Variants in STAB2 observed in about 807,000 individuals in gnomAD.
The protein encoded by STAB2 is stabilin-2.
A neutral mutation model predicts 338.1 loss-of-function variants in STAB2; 288 were observed. The ratio of observed to expected loss-of-function variants is 0.85; its 90% CI spans 0.77 to 0.94. The LOEUF (loss-of-function observed/expected upper bound fraction) is 0.94. STAB2 is among the 40% of genes least tolerant of loss of function. STAB2 has a pLI of 0.00. For missense variants in STAB2, 3,141 were observed against 3,210.1 expected (o/e 0.98, Z 0.52); for synonymous variants, 1,202 against 1,193.3 (o/e 1.01, Z -0.15).
chr12:103,600,790 T>A (rs1414914727), intron 3 of STAB2, among the ~76,000 whole-genome samples: 2 of 81,204 alleles, frequency 2.5e-5, no homozygotes, highest in East Asian at 6.3e-4. Flanking sequence ...AGATAGCATA[T>A]CCAGCCAGCA....
intron 5 of STAB2, among the ~76,000 whole-genome samples, chr12:103,623,820 G>T (rs968616262): frequency 6.6e-6 from 1 of 152,174 alleles, no homozygotes; most frequent in African/African-American, 2.4e-5. Flanking sequence ...CACTTAGAGT[G>T]TTTATAGGGA....
chr12:103,620,380 A>G (rs1156514469), intron 3 of STAB2, 88 bp from the exon 4 acceptor site: 2 of 1,226,164 alleles, frequency 1.6e-6, no homozygotes, highest in Non-Finnish European at 2.3e-6. Context: ...CCTGGCAACT[A>G]GCACACTTAG....
intron 3 of STAB2, among the ~76,000 whole-genome samples, chr12:103,602,775 A>T (rs1956972069): frequency 6.6e-6 from 1 of 152,050 alleles, no homozygotes. Flanking sequence ...TTGAGTTTTG[A>T]GAGTTCTTTA....
chr12:103,643,763 T>C (rs186668777), intron 9 of STAB2, among the ~76,000 whole-genome samples: 169 of 152,056 alleles, frequency 1.1e-3, no homozygotes, highest in Non-Finnish European at 2.0e-3. Flanking sequence ...GAAGCCCTTA[T>C]AAGACTATGT....
rs368188093 is a variant in STAB2 at position 103,631,561 on chromosome 12, T to C, written c.488-37T>C. On this transcript the variant is annotated intron_variant, in intron 5 of 68. Coordinates refer to ENST00000388887, the MANE Select transcript of STAB2 (RefSeq NM_017564.10). ...TTCCAGAATGTTTAGCAACAGTCTATGTCAGGTAATAAAAATCCCCCACTT... is the reference window on the plus strand; with the variant it reads ...TTCCAGAATGTTTAGCAACAGTCTACGTCAGGTAATAAAAATCCCCCACTT... The C allele has an allele frequency of 7.2e-5, 113 of 1,579,674 alleles. No homozygotes were observed. The African/African-American group carries it at 1.3e-3, about 19-fold the overall frequency.
At chr12:103,671,060 G>A (rs544954399) in intron 22 of STAB2, among the ~76,000 whole-genome samples, 24 of 152,270 alleles carry the variant, frequency 1.6e-4, no homozygotes, top group African/African-American at 5.1e-4. Context: ...AACAAGTTCC[G>A]AGGGGGCACT....
At chr12:103,754,982 T>G in intron 61 of STAB2, 3 of 272,004 alleles carry the variant, frequency 1.1e-5, no homozygotes, top group Non-Finnish European at 1.4e-5. Context: ...ATCATCAGAG[T>G]TCTACCAACC....
Position 103,706,772 on chromosome 12 carries a change from G to A in STAB2, c.3997-20G>A. 1 of 1,614,136 alleles carries A rather than the reference G, an allele frequency of 6.2e-7. No homozygotes were observed. The stretch of plus-strand genomic sequence containing the variant: ...CCAGAGGATAGAAGTGCGTTGTCAA[G>A]CTTTGTCCTTCTGTTTCAGACGAGA... On this transcript the variant is annotated intron_variant, in intron 37 of 68. Coordinates refer to ENST00000388887, the MANE Select transcript of STAB2 (RefSeq NM_017564.10).
intron 3 of STAB2, among the ~76,000 whole-genome samples, chr12:103,608,048 G>C (rs1175111692): frequency 6.6e-6 from 1 of 152,204 alleles, no homozygotes; most frequent in Non-Finnish European, 1.5e-5. Context: ...TCCAGCACCT[G>C]TTGTTTCCTG....
At chr12:103,628,239 A>AT (rs1957409796) in intron 5 of STAB2, among the ~76,000 whole-genome samples, 1 of 152,158 alleles carries the variant, frequency 6.6e-6, no homozygotes, top group Admixed American at 6.5e-5. Flanking sequence ...GTTATCTCCC[A>AT]TTTTTTCATG....
At position 103,677,479 on chromosome 12, in the gene STAB2, C is replaced by T; in HGVS notation, c.2673C>T (p.Gly891=). 6.2e-7 allele frequency: 1 copy of T among 1,612,982 alleles called. No homozygotes were observed. The highest frequency in any genetic ancestry group is 1.1e-5 in the South Asian group (1 of 91,026). Reference sequence around the variant, plus strand: ...CAGAATGCATCAAAACTGGCACGGGCACCCACACCTGCGTGTGTCAGCAGG... The same window carrying T: ...CAGAATGCATCAAAACTGGCACGGGTACCCACACCTGCGTGTGTCAGCAGG... ...RNAECIKTGT[G]THTCVCQQGW... The change falls in exon 25 of 69, where the codon GGC becomes GGT. Residue 891 remains glycine, a synonymous_variant. Transcript: ENST00000388887.
At position 103,708,490 on chromosome 12, in the gene STAB2, C is replaced by A; in HGVS notation, c.4242C>A (p.Gly1414=). 1 of 1,614,114 alleles carries A rather than the reference C, an allele frequency of 6.2e-7. No homozygotes were observed. The highest frequency in any genetic ancestry group is 8.5e-7 in the Non-Finnish European group (1 of 1,179,960). Residue 1414 remains glycine, a synonymous_variant, in exon 39 of 69, where the codon GGC becomes GGA. Transcript: ENST00000388887. The stretch of plus-strand genomic sequence containing the variant: ...GCAACCAAGGACCCTTGGGAGATGG[C>A]TCCTGTGACTGTGATGTTGGCTGGC... ...GRCNQGPLGD[G]SCDCDVGWRG... is the part of the protein sequence containing the mutation.
chr12:103,640,081 T>A, intron 8 of STAB2, 42 bp from the exon 9 acceptor site: 1 of 1,559,072 alleles, frequency 6.4e-7, no homozygotes. Context: ...CTGAAGTAAC[T>A]AACTAGGATC....
chr12:103,713,063 C>T (rs1880010331), intron 41 of STAB2, among the ~76,000 whole-genome samples: 1 of 152,204 alleles, frequency 6.6e-6, no homozygotes, highest in Admixed American at 6.5e-5. Context: ...TTATTACTTA[C>T]ATTACCTTGG....
At chr12:103,644,837 A>G (rs1025940350) in intron 9 of STAB2, among the ~76,000 whole-genome samples, 2 of 152,260 alleles carry the variant, frequency 1.3e-5, no homozygotes, top group African/African-American at 4.8e-5. Context: ...CAAAGGATAA[A>G]TGCTTGAAAT....
chr12:103,645,992 A>T (rs763835657), intron 9 of STAB2, among the ~76,000 whole-genome samples: 9 of 151,778 alleles, frequency 5.9e-5, no homozygotes, highest in Non-Finnish European at 1.2e-4. Context: ...CAGCTAGAAA[A>T]CTCATAGGCA....
intron 55 of STAB2, among the ~76,000 whole-genome samples, chr12:103,741,908 C>T (rs1882616054): frequency 6.6e-6 from 1 of 152,120 alleles, no homozygotes; most frequent in Admixed American, 6.5e-5. Flanking sequence ...GGGTTGAGAG[C>T]CCCCATGACC....
At chr12:103,651,546 T>C (rs1277658376) in intron 11 of STAB2, among the ~76,000 whole-genome samples, 2 of 151,562 alleles carry the variant, frequency 1.3e-5, no homozygotes, top group African/African-American at 4.9e-5. Context: ...TCTCCTGACC[T>C]CGTGATCTGC....
At position 103,762,219 on chromosome 12, in the gene STAB2, C is replaced by T. The variant is rs1218740263; in HGVS notation, c.7360-55C>T. The T allele has an allele frequency of 3.7e-6, 6 of 1,604,540 alleles. No homozygotes were observed. The East Asian group carries it at 1.3e-4, about 36-fold the overall frequency. On this transcript the variant is annotated intron_variant, in intron 66 of 68. Transcript: ENST00000388887. ...ATGCCTCGGGCCACCAAGGGTTCCC[C>T]TTTTGGGGAGTCAGAAGTTTTAAGA...
Sources: gnomAD v4.1 joint callset for allele counts (sites outside exome capture counted in the v4.1 genomes callset) on GRCh38, gnomAD v4.1.1 for gene constraint, MANE v1.5 for transcripts, NCBI Gene and HGNC (gene_info 2026-07-23, HGNC 2026-07-21) for gene names.